Variants in RTL4 observed in about 807,000 individuals in gnomAD.
RTL4 encodes the protein retrotransposon Gag like 4.
In RTL4, 4 loss-of-function variants were observed where a neutral mutation model predicts 5.3. The ratio of observed to expected loss-of-function variants is 0.75; its 90% confidence interval spans 0.37 to 1.72. RTL4 has a LOEUF of 1.72. Among genes scored for constraint, RTL4 ranks in the 40% most tolerant of loss-of-function variants. RTL4 has a pLI of 0.04. For missense variants in RTL4, 260 were observed against 227.1 expected (o/e 1.14, Z -0.93); for synonymous variants, 98 against 87.3 (o/e 1.12, Z -0.68).
At chrX:112,137,623 C>A in the RTL4 span, among the ~76,000 whole-genome samples, 5 of 111,753 alleles carry the variant, frequency 4.5e-5, no homozygotes, top group African/African-American at 1.6e-4. Flanking sequence ...ACAGGTCCCT[C>A]CCTCGACATG....
chrX:112,237,755 T>G, the RTL4 span, among the ~76,000 whole-genome samples: 1 of 112,132 alleles, frequency 8.9e-6, no homozygotes, highest in East Asian at 2.8e-4. Flanking sequence ...ACCTGTATAT[T>G]ATTCAACAAT....
At chrX:112,241,721 T>C in the RTL4 span, among the ~76,000 whole-genome samples, 2 of 112,311 alleles carry the variant, frequency 1.8e-5, no homozygotes, top group Admixed American at 1.9e-4. Context: ...TTGTCAATTT[T>C]GGCTTCTCTT....
the RTL4 span, among the ~76,000 whole-genome samples, chrX:112,114,540 G>C: frequency 3.6e-5 from 4 of 111,662 alleles, no homozygotes; most frequent in Non-Finnish European, 7.5e-5. Flanking sequence ...AACTTCCCCA[G>C]GTCTACCCTG....
chrX:112,286,051 T>C, the RTL4 span, among the ~76,000 whole-genome samples: 1 of 111,707 alleles, frequency 9.0e-6, no homozygotes. Flanking sequence ...ATAAAGTATA[T>C]TGAAACAAAG....
chrX:112,226,956 T>G, the RTL4 span, among the ~76,000 whole-genome samples: 1 of 55,521 alleles, frequency 1.8e-5, no homozygotes, highest in Non-Finnish European at 3.0e-5. Context: ...AAAAATAAAA[T>G]AAAATAAAAT....
At chrX:112,200,536 G>A in the RTL4 span, among the ~76,000 whole-genome samples, 3 of 111,881 alleles carry the variant, frequency 2.7e-5, no homozygotes, top group Admixed American at 9.5e-5. Flanking sequence ...AAAAACTAAC[G>A]AAGGGGTCAA....
the RTL4 span, among the ~76,000 whole-genome samples, chrX:112,189,947 T>A: frequency 1.8e-5 from 2 of 111,659 alleles, no homozygotes; most frequent in South Asian, 7.6e-4. Flanking sequence ...TCAAAAAACT[T>A]TATTTTTCAG....
the RTL4 span, among the ~76,000 whole-genome samples, chrX:112,138,019 TA>T: frequency 8.9e-6 from 1 of 112,070 alleles, no homozygotes; most frequent in Non-Finnish European, 1.9e-5. Flanking sequence ...CAGATGGATT[TA>T]AAAAATGCAG....
chrX:112,387,904 C>T, the RTL4 span, among the ~76,000 whole-genome samples: 1 of 111,772 alleles, frequency 8.9e-6, no homozygotes, highest in South Asian at 3.7e-4. Context: ...GCTATCTGAG[C>T]TCTTTTATGG....
At chrX:112,106,337 G>T in the RTL4 span, among the ~76,000 whole-genome samples, 1 of 111,745 alleles carries the variant, frequency 8.9e-6, no homozygotes, top group Non-Finnish European at 1.9e-5. Context: ...TGGTATCAGG[G>T]TAATGCTGGC....
chrX:112,292,284 G>T, the RTL4 span, among the ~76,000 whole-genome samples: 1 of 111,779 alleles, frequency 8.9e-6, no homozygotes, highest in Non-Finnish European at 1.9e-5. Flanking sequence ...TAAGGAAAAA[G>T]ATCTAGGACA....
the RTL4 span, among the ~76,000 whole-genome samples, chrX:112,229,256 A>G: frequency 7.1e-5 from 8 of 112,345 alleles, no homozygotes; most frequent in African/African-American, 2.3e-4. Context: ...AAAAACATGT[A>G]TAATTATAGT....
At chrX:112,330,593 A>T in the RTL4 span, among the ~76,000 whole-genome samples, 1 of 110,911 alleles carries the variant, frequency 9.0e-6, no homozygotes, top group Non-Finnish European at 1.9e-5. Context: ...AAGGTAATTT[A>T]CAGATTCAAT....
the RTL4 span, among the ~76,000 whole-genome samples, chrX:112,160,077 C>T: frequency 1.3e-4 from 14 of 111,550 alleles, no homozygotes; most frequent in African/African-American, 4.2e-4. Context: ...CTTATGTCCC[C>T]GAAGCAGAGG....
At chrX:112,356,825 G>T in the RTL4 span, among the ~76,000 whole-genome samples, 1 of 111,556 alleles carries the variant, frequency 9.0e-6, no homozygotes, top group South Asian at 3.7e-4. Flanking sequence ...CCATTTTATG[G>T]ATTGGTAAAC....
chrX:112,352,703 T>C, the RTL4 span, among the ~76,000 whole-genome samples: 1 of 85,742 alleles, frequency 1.2e-5, no homozygotes, highest in Non-Finnish European at 2.1e-5. Flanking sequence ...AAGACTTACA[T>C]GTTGGCCTAA....
the RTL4 span, among the ~76,000 whole-genome samples, chrX:112,113,613 G>T: frequency 9.0e-6 from 1 of 111,228 alleles, no homozygotes; most frequent in African/African-American, 3.3e-5. Context: ...GCTGGCGCTT[G>T]CTCCGGGCAC....
chrX:112,238,658 C>T, the RTL4 span, among the ~76,000 whole-genome samples: 5 of 111,217 alleles, frequency 4.5e-5, no homozygotes, highest in Admixed American at 1.9e-4. Flanking sequence ...TTAGGGACCT[C>T]GGGACTTGAG....
the RTL4 span, among the ~76,000 whole-genome samples, chrX:112,429,455 C>T: frequency 9.7e-3 from 1,079 of 110,937 alleles, 17 homozygotes; most frequent in African/African-American, 0.033. Flanking sequence ...CTTATAATAA[C>T]GAAATATTCC....
Sources: gnomAD v4.1 joint callset for allele counts (sites outside exome capture counted in the v4.1 genomes callset) on GRCh38, gnomAD v4.1.1 for gene constraint, MANE v1.5 for transcripts, NCBI Gene and HGNC (gene_info 2026-07-23, HGNC 2026-07-21) for gene names.